The following LRFN2 variants were observed in gnomAD, a reference collection of about 807,000 sequenced individuals.
The protein encoded by LRFN2 is leucine rich repeat and fibronectin type III domain containing 2.
A neutral mutation model predicts 37.3 loss-of-function variants in LRFN2; 18 were observed. That is an observed-to-expected ratio of 0.48 (90% CI 0.33 to 0.72). LRFN2 has a LOEUF of 0.72. Ranked by LOEUF, LRFN2 falls within the 30% of genes least tolerant of loss-of-function variation. The pLI, the probability that LRFN2 is intolerant of heterozygous loss-of-function variation, is 0.02. For missense variants in LRFN2, 1,006 were observed against 1,060.7 expected, an observed-to-expected ratio of 0.95 and a Z score of 0.72; for synonymous variants, 556 against 466.6, an observed-to-expected ratio of 1.19 and a Z score of -2.47.
intron 1 of LRFN2, among the ~76,000 whole-genome samples, chr6:40,535,696 G>T: frequency 6.6e-6 from 1 of 152,152 alleles, no homozygotes; most frequent in East Asian, 1.9e-4. Flanking sequence ...GTCTACATTG[G>T]TGGGAGGTGC....
At chr6:40,420,444 A>C (rs898363052) in intron 2 of LRFN2, among the ~76,000 whole-genome samples, 26 of 152,146 alleles carry the variant, frequency 1.7e-4, no homozygotes, top group African/African-American at 6.0e-4. Context: ...AGAAAAGAAC[A>C]CTCACAGACA....
chr6:40,418,971 G>A (rs1763157212), intron 2 of LRFN2, among the ~76,000 whole-genome samples: 1 of 152,150 alleles, frequency 6.6e-6, no homozygotes, highest in Non-Finnish European at 1.5e-5. Context: ...AGCAGCATCA[G>A]CATCCCGGAG....
intron 1 of LRFN2, among the ~76,000 whole-genome samples, chr6:40,522,986 T>C (rs901828399): frequency 5.3e-5 from 8 of 152,202 alleles, no homozygotes; most frequent in Non-Finnish European, 1.2e-4. Flanking sequence ...ACACAGGCAC[T>C]AGGCCAAGTT....
intron 1 of LRFN2, among the ~76,000 whole-genome samples, chr6:40,514,780 C>T (rs1765813291): frequency 6.6e-6 from 1 of 152,230 alleles, no homozygotes; most frequent in Non-Finnish European, 1.5e-5. Context: ...TAACCCTTCT[C>T]ATTTCTCTCT....
chr6:40,520,766 C>T (rs552520094), intron 1 of LRFN2, among the ~76,000 whole-genome samples: 29 of 152,208 alleles, frequency 1.9e-4, no homozygotes, highest in Non-Finnish European at 1.5e-5. Flanking sequence ...TCCCCCTCTG[C>T]CCAGGCCTGG....
At chr6:40,437,948 A>G (rs1435465965) in intron 1 of LRFN2, among the ~76,000 whole-genome samples, 1 of 152,222 alleles carries the variant, frequency 6.6e-6, no homozygotes, top group East Asian at 1.9e-4. Flanking sequence ...AGGACAAGGA[A>G]CAAAGAGATA....
At chr6:40,464,666 C>G (rs1343353983) in intron 1 of LRFN2, among the ~76,000 whole-genome samples, 1 of 152,218 alleles carries the variant, frequency 6.6e-6, no homozygotes, top group African/African-American at 2.4e-5. Context: ...GTCCACCATT[C>G]CCATGCATTC....
chr6:40,401,696 A>C (rs567243143), intron 2 of LRFN2, among the ~76,000 whole-genome samples: 2 of 152,246 alleles, frequency 1.3e-5, no homozygotes, highest in East Asian at 3.9e-4. Flanking sequence ...TGTAAGAGGA[A>C]GACATTGGTG....
At chr6:40,488,892 G>C (rs1020916347) in intron 1 of LRFN2, among the ~76,000 whole-genome samples, 2 of 152,116 alleles carry the variant, frequency 1.3e-5, no homozygotes, top group African/African-American at 4.8e-5. Flanking sequence ...AGTGTAAAAA[G>C]TTAGGAGCAA....
chr6:40,561,902 C>T (rs1767001857), intron 1 of LRFN2, among the ~76,000 whole-genome samples: 1 of 152,116 alleles, frequency 6.6e-6, no homozygotes, highest in Non-Finnish European at 1.5e-5. Context: ...TAGGCATCTC[C>T]CCCTCCACCA....
chr6:40,426,508 C>T (rs1425560050), intron 2 of LRFN2, among the ~76,000 whole-genome samples: 1 of 152,192 alleles, frequency 6.6e-6, no homozygotes, highest in Admixed American at 6.5e-5. Context: ...ATATCACATG[C>T]TAGCGAGAGG....
chr6:40,468,498 G>A (rs1764522693), intron 1 of LRFN2, among the ~76,000 whole-genome samples: 1 of 152,174 alleles, frequency 6.6e-6, no homozygotes, highest in Non-Finnish European at 1.5e-5. Flanking sequence ...GTAGGTCACA[G>A]CCAAGCTTTT....
chr6:40,424,511 C>T (rs1763302163), intron 2 of LRFN2, among the ~76,000 whole-genome samples: 1 of 152,162 alleles, frequency 6.6e-6, no homozygotes. Context: ...ACTAGTTTTA[C>T]TATCTATAAA....
rs971326457 is a variant in LRFN2 at position 40,545,544 on chromosome 6, G to T, written c.-19+41397C>A. 2.6e-5 allele frequency among the ~76,000 whole-genome samples: 4 copies of T among 152,220 alleles called. No homozygotes were observed. In the South Asian group the frequency reaches 8.3e-4, roughly 32 times the overall value. On this transcript the variant is annotated intron_variant, in intron 1 of 2. Transcript: ENST00000338305. The stretch of plus-strand genomic sequence containing the variant: ...TGTTAAGTGGGTTACTGCCTGCAGT[G>T]GAGTGGTGGAGGGGAGAGGCAGAGA...
chr6:40,393,010 GGA>G, intron 2 of LRFN2, 98 bp from the exon 3 acceptor site: 1 of 1,066,576 alleles, frequency 9.4e-7, no homozygotes, highest in Non-Finnish European at 1.3e-6. Context: ...ACAGAGATGG[GGA>G]GGGGGAGGGG....
intron 1 of LRFN2, among the ~76,000 whole-genome samples, chr6:40,509,918 T>C (rs1444341080): frequency 6.6e-6 from 1 of 150,476 alleles, no homozygotes; most frequent in Non-Finnish European, 1.5e-5. Flanking sequence ...CATGCCAGTA[T>C]GCCAGGGAAC....
At chr6:40,498,297 G>A (rs1250750544) in intron 1 of LRFN2, among the ~76,000 whole-genome samples, 2 of 152,110 alleles carry the variant, frequency 1.3e-5, no homozygotes, top group African/African-American at 4.8e-5. Context: ...CTGCCCTCAG[G>A]TCCTTCCTAA....
chr6:40,509,740 T>C lies in LRFN2; in HGVS notation c.-18-76609A>G, dbSNP rs1209403619. On this transcript the variant is annotated intron_variant, in intron 1 of 2. Coordinates refer to ENST00000338305, the MANE Select transcript of LRFN2 (RefSeq NM_020737.3). ...TGCACAAGTAGGAGAGCTGAGTGCA[T>C]GCATGCAGGTATGCCAGGGAACACA... Among the ~76,000 whole-genome samples, 4 of 149,828 alleles carry C rather than the reference T, an allele frequency of 2.7e-5. No homozygotes were observed. In the East Asian group the frequency reaches 6.0e-4, roughly 22 times the overall value.
intron 1 of LRFN2, among the ~76,000 whole-genome samples, chr6:40,545,742 G>C (rs13196635): frequency 0.44 from 67,084 of 151,850 alleles, 15,658 homozygotes; most frequent in African/African-American, 0.59. Flanking sequence ...AAAGGATGAG[G>C]CAGAGGCACT....
Sources: allele counts gnomAD v4.1 joint callset (sites outside exome capture counted in the v4.1 genomes callset), GRCh38; gene constraint gnomAD v4.1.1; transcripts MANE v1.5; gene names NCBI Gene and HGNC (gene_info 2026-07-23, HGNC 2026-07-21).